C16orf92: variants seen among roughly 807,000 people sequenced by gnomAD.
The protein encoded by C16orf92 is fertilization-influencing membrane protein.
A neutral mutation model predicts 13.7 loss-of-function variants in C16orf92; 14 were observed. That is an observed-to-expected ratio of 1.02 (90% CI 0.67 to 1.60). C16orf92 has a LOEUF of 1.60. Among genes scored for constraint, C16orf92 ranks in the 40% most tolerant of loss-of-function variants. C16orf92 has a pLI of 0.00. For synonymous variants in C16orf92, 50 were observed against 57.4 expected, an observed-to-expected ratio of 0.87 and a Z score of 0.58; for missense variants, 116 against 139.0, an observed-to-expected ratio of 0.83 and a Z score of 0.83.
At chr16:30,023,547 C>T in intron 1 of C16orf92, 143 bp downstream of exon 1, 1 of 1,389,164 alleles carries the variant, frequency 7.2e-7, no homozygotes, top group Non-Finnish European at 1.0e-6. Context: ...GTCCCACCTA[C>T]CCCCCAACAA....
intron 1 of C16orf92, 62 bp from the exon 2 acceptor site, chr16:30,023,665 G>A (rs79063905): frequency 0.025 from 39,650 of 1,613,678 alleles, 1,891 homozygotes; most frequent in Admixed American, 0.16. Context: ...GTCAGCTTCC[G>A]CCTCGAGAGA....
chr16:30,023,572 G>C, intron 1 of C16orf92, 155 bp from the exon 2 acceptor site: 2 of 1,468,640 alleles, frequency 1.4e-6, no homozygotes, highest in Non-Finnish European at 1.9e-6. Context: ...GAGCCTTGTC[G>C]TGGTGCACCC....
Position 30,024,512 on chromosome 16 carries a change from A to G in C16orf92, c.*285A>G, listed in dbSNP as rs1177960813. The G allele has an allele frequency of 7.8e-6, 4 of 513,896 alleles. No homozygotes were observed. Among genetic ancestry groups the G allele is most frequent in the Non-Finnish European group, 1.4e-5 (4 of 288,296 alleles). 31.8% of individuals were successfully genotyped at this position (513,896 alleles called of 1,614,324 possible). On this transcript the variant is annotated 3_prime_UTR_variant, in exon 4 of 4. Coordinates refer to ENST00000681219, the MANE Select transcript of C16orf92 (RefSeq NM_001109659.2). ...ACCCCAGATTGGAGGAAGCCTTGAG[A>G]GGTCAGTAGCACCAGGGACATGGCA...
chr16:30,025,786 A>G, downstream of C16orf92: 1 of 1,614,092 alleles, frequency 6.2e-7, no homozygotes. The surrounding 1 kb of genome is among the most constrained non-coding windows in gnomAD (Gnocchi z 4.1). Flanking sequence ...TCAACATGCA[A>G]CCCAGAAAGA....
downstream of C16orf92, chr16:30,025,242 C>G: frequency 6.5e-7 from 1 of 1,531,780 alleles, no homozygotes; most frequent in Non-Finnish European, 8.8e-7. The surrounding 1 kb of genome is among the most constrained non-coding windows in gnomAD (Gnocchi z 4.1). Flanking sequence ...AGGCGGCAGG[C>G]CCCACGGCAG....
At chr16:30,025,310 T>C (rs374024391), downstream of C16orf92, 1 of 1,563,770 alleles carries the variant, frequency 6.4e-7, no homozygotes, top group Non-Finnish European at 8.7e-7. The surrounding 1 kb of genome is among the most constrained non-coding windows in gnomAD (Gnocchi z 4.1). Context: ...CAGGTTGACG[T>C]GGGCAGGGAT....
chr16:30,023,812 G>A lies in C16orf92; in HGVS notation c.150G>A (p.Pro50=), dbSNP rs754841693. ...ACAGACCTGACTTCTTCGATTATCC[G>A]GACTCAGACCAAGCCAGGCTGCTGG... ...FLDRPDFFDY[P]DSDQARLLAV... The change falls in exon 2 of 4, where the codon CCG becomes CCA. Residue 50 remains proline, a synonymous_variant. Transcript: ENST00000681219. 3.0e-5 allele frequency: 48 copies of A among 1,614,136 alleles called. No homozygotes were observed. The highest frequency in any genetic ancestry group is 7.7e-5 in the South Asian group (7 of 91,080).
At chr16:30,024,728 C>T (rs74400203), downstream of C16orf92, 17,054 of 186,748 alleles carry the variant, frequency 0.091, 1,130 homozygotes, top group African/African-American at 0.19. Flanking sequence ...GGAGAGGAGC[C>T]GTGGTTGCAG....
chr16:30,026,394 G>A (rs117910026), downstream of C16orf92, among the ~76,000 whole-genome samples: 2 of 152,096 alleles, frequency 1.3e-5, no homozygotes, highest in South Asian at 2.1e-4. Context: ...AGCCACAGCC[G>A]GGCATCGTCC....
chr16:30,026,792 G>A (rs201783419), downstream of C16orf92: 28 of 1,614,164 alleles, frequency 1.7e-5, no homozygotes, highest in African/African-American at 4.0e-5. Flanking sequence ...CGTAGATGTC[G>A]TAGATGAAGT....
At position 30,024,023 on chromosome 16, in the gene C16orf92, A is replaced by G; in HGVS notation, c.248A>G (p.His83Arg). 1 of 1,613,918 alleles carries G rather than the reference A, an allele frequency of 6.2e-7. No individual in the cohort carries two copies. Among genetic ancestry groups the G allele is most frequent in the Non-Finnish European group, 8.5e-7 (1 of 1,179,862 alleles). The change falls in exon 3 of 4, where the codon CAC becomes CGC. Residue 83 changes from histidine (H) to arginine (R), a missense_variant. Transcript: ENST00000681219. ...NSGSSPGLFH[H>R]ILVGLLVVAF... ...GGTTCCAGCCCCGGGCTCTTCCATC[A>G]CATCCTGGTGGGCTTGCTGGTGGTG...
downstream of C16orf92, chr16:30,024,733 T>A (rs1440288734): frequency 1.1e-5 from 2 of 186,876 alleles, no homozygotes; most frequent in Non-Finnish European, 2.2e-5. Context: ...GGAGCCGTGG[T>A]TGCAGCCGGC....
rs207475843 is a variant in C16orf92, at chr16:30,023,776, G to A, written c.114G>A (p.Pro38=). The A allele has an allele frequency of 1.8e-4, 283 of 1,613,974 alleles. No homozygotes were observed. The highest frequency in any genetic ancestry group is 2.2e-4 in the Non-Finnish European group (262 of 1,179,984). ...CGTCAGCCCTGGGGACAGAGTCTCC[G>A]CGCTTCTTAGACAGACCTGACTTCT... ...ATASALGTES[P]RFLDRPDFFD... Residue 38 remains proline, a synonymous_variant, in exon 2 of 4, where the codon CCG becomes CCA. Coordinates refer to ENST00000681219, the MANE Select transcript of C16orf92 (RefSeq NM_001109659.2).
Position 30,024,412 on chromosome 16 carries a change from T to G in C16orf92, c.*185T>G. ...CCCTTCCCAGCCCCAAAGAACTTGG[T>G]GGCAAGGGCCTTGGTGGCGTTCACG... On this transcript the variant is annotated 3_prime_UTR_variant, in exon 4 of 4. Transcript: ENST00000681219. 1.2e-6 allele frequency: 1 copy of G among 816,678 alleles called. No homozygotes were observed. The highest frequency in any genetic ancestry group is 1.9e-6 in the Non-Finnish European group (1 of 531,238). The allele number at this position is 816,678 out of a possible 1,614,324, so 50.6% of individuals were successfully genotyped here.
downstream of C16orf92, chr16:30,026,902 G>A: frequency 6.9e-7 from 1 of 1,452,970 alleles, no homozygotes; most frequent in East Asian, 2.3e-5. Flanking sequence ...CAGTGATTGG[G>A]GTCAGATCTC....
In C16orf92 at chr16:30,023,222, T is replaced by G; in HGVS notation, c.-119T>G. The G allele has an allele frequency of 1.7e-5, 14 of 828,712 alleles. No individual in the cohort carries two copies. The highest frequency in any genetic ancestry group is 2.6e-5 in the Non-Finnish European group (13 of 509,550). 51.3% of individuals were successfully genotyped at this position (828,712 alleles called of 1,614,324 possible). Reference sequence around the variant, plus strand: ...CCTCTCTTCTCCTCTCCTCTTCTGATGAGAGTGAGGGATGGGGGAGGGGTC... The same window carrying G: ...CCTCTCTTCTCCTCTCCTCTTCTGAGGAGAGTGAGGGATGGGGGAGGGGTC... On this transcript the variant is annotated 5_prime_UTR_variant, in exon 1 of 4. The change abolishes an upstream ATG in the 5' untranslated region. Transcript: ENST00000681219.
rs569136208 is a variant in C16orf92 at position 30,024,086 on chromosome 16, T to A, written c.311T>A (p.Ile104Lys). 6.2e-7 allele frequency: 1 copy of A among 1,612,262 alleles called. No homozygotes were observed. The highest frequency in any genetic ancestry group is 2.2e-5 in the East Asian group (1 of 44,848). Reference sequence around the variant, plus strand: ...CTCCTTTTCCAGTTCTGCACCCACATGTAAGGCCTGCCCCCTTTCTCCAAC... The same window carrying A: ...CTCCTTTTCCAGTTCTGCACCCACAAGTAAGGCCTGCCCCCTTTCTCCAAC... ...FFLLFQFCTH[I>K]NFQKGA Residue 104 changes from isoleucine (I) to lysine (K), a missense_variant and splice_region_variant, in exon 3 of 4, where the codon ATA becomes AAA. Transcript: ENST00000681219.
chr16:30,025,917 T>C (rs1288719253), downstream of C16orf92: 2 of 928,966 alleles, frequency 2.2e-6, no homozygotes, highest in African/African-American at 1.6e-5. This position sits in a 1 kb window ranked among gnomAD's most constrained non-coding sequence, Gnocchi z 4.1. Context: ...CTTTGGGAGA[T>C]GCTTGACTCT....
chr16:30,026,908 A>G, downstream of C16orf92: 1 of 1,384,352 alleles, frequency 7.2e-7, no homozygotes, highest in Non-Finnish European at 1.0e-6. Flanking sequence ...TTGGGGTCAG[A>G]TCTCAGGGGT....
Sources: allele counts gnomAD v4.1 joint callset (sites outside exome capture counted in the v4.1 genomes callset), GRCh38; gene constraint gnomAD v4.1.1; non-coding constraint Gnocchi (gnomAD v3.1); transcripts MANE v1.5; gene names NCBI Gene and HGNC (gene_info 2026-07-23, HGNC 2026-07-21).